The following RBFOX1 variants were observed in gnomAD, a reference collection of about 807,000 sequenced individuals.
RBFOX1 encodes the protein RNA binding protein fox-1 homolog 1.
A neutral mutation model predicts 57.7 loss-of-function variants in RBFOX1; 8 were observed. The observed-to-expected ratio is 0.14, with a 90% CI of 0.08 to 0.25. RBFOX1 has a LOEUF of 0.25. Ranked by LOEUF, RBFOX1 falls within the 10% of genes least tolerant of loss-of-function variation. The pLI, the probability that RBFOX1 is intolerant of heterozygous loss-of-function variation, is 1.00. For missense variants in RBFOX1, 611 were observed against 548.5 expected, an observed-to-expected ratio of 1.11 and a Z score of -1.14; for synonymous variants, 326 against 222.4, an observed-to-expected ratio of 1.47 and a Z score of -4.15.
In RBFOX1 at chr16:5,906,727, C is replaced by CTTTTTTTT. The variant is rs57589514; in HGVS notation, c.351+39410_351+39417dup. On this transcript the variant is annotated intron_variant, in intron 4 of 19. Coordinates refer to the RBFOX1 transcript ENST00000641259. ...CCGCTGAAGCCATGAATCCTAGATT[C>CTTTTTTTT]TTTTTTTTTTTTTTTTTTTTTTTTT... Among the ~76,000 whole-genome samples the CTTTTTTTT allele has an allele frequency of 6.0e-4, 43 of 71,478 alleles. 1 individual carries two copies. Among genetic ancestry groups the CTTTTTTTT allele is most frequent in the South Asian group, 2.1e-3 (3 of 1,402 alleles). The allele number at this position is 71,478 out of a possible 152,430, so 46.9% of individuals were successfully genotyped here. A position where few individuals can be genotyped will look rare whatever the true frequency, so the allele number is the denominator to read the frequency against.
chr16:7,543,975 T>G lies in RBFOX1; in HGVS notation c.270+25586T>G, dbSNP rs1285799236. Among the ~76,000 whole-genome samples, 3 of 152,342 alleles carry G rather than the reference T, an allele frequency of 2.0e-5. No individual in the cohort carries two copies. In the East Asian group the frequency reaches 5.8e-4, roughly 29 times the overall value. On this transcript the variant is annotated intron_variant, in intron 5 of 15. Coordinates refer to ENST00000550418, the MANE Select transcript of RBFOX1 (RefSeq NM_018723.4). The stretch of plus-strand genomic sequence containing the variant: ...ACTTCATGACCCACCTGCCTTGGTT[T>G]CCCAAAGTGCTGGGATTATAGGCGT...
At chr16:6,824,829 C>A (rs7189578) in intron 3 of RBFOX1, among the ~76,000 whole-genome samples, 4,112 of 151,706 alleles carry the variant, frequency 0.027, 194 homozygotes, top group African/African-American at 0.095. Context: ...AAAGATAATA[C>A]ATGTGGATTG....
At chr16:7,608,549 T>C (rs2056805659) in intron 10 of RBFOX1, among the ~76,000 whole-genome samples, 1 of 152,148 alleles carries the variant, frequency 6.6e-6, no homozygotes, top group Non-Finnish European at 1.5e-5. Flanking sequence ...CTTTCCATGA[T>C]CATATTGCAA....
chr16:7,387,446 C>A (rs954695083), intron 4 of RBFOX1, among the ~76,000 whole-genome samples: 1 of 152,168 alleles, frequency 6.6e-6, no homozygotes, highest in Non-Finnish European at 1.5e-5. Flanking sequence ...TCATATACCC[C>A]TGTCTTCCAA....
At chr16:7,461,238 G>T (rs1302570968) in intron 4 of RBFOX1, among the ~76,000 whole-genome samples, 1 of 151,860 alleles carries the variant, frequency 6.6e-6, no homozygotes, top group African/African-American at 2.4e-5. Context: ...CACTATCTCG[G>T]CTCACTGCAA....
At chr16:5,911,968 C>T (rs8063432) in intron 4 of RBFOX1, among the ~76,000 whole-genome samples, 64,312 of 151,944 alleles carry the variant, frequency 0.42, 14,396 homozygotes, top group African/African-American at 0.56. Context: ...TTAGTAGGCA[C>T]CTTCACGGGG....
At chr16:6,853,860 G>A (rs182427105) in intron 3 of RBFOX1, among the ~76,000 whole-genome samples, 6 of 152,244 alleles carry the variant, frequency 3.9e-5, no homozygotes, top group Non-Finnish European at 7.4e-5. Flanking sequence ...TGATGAGTAT[G>A]GTAAATGGTT....
chr16:5,868,662 C>T (rs144011602), intron 4 of RBFOX1, among the ~76,000 whole-genome samples: 150 of 152,256 alleles, frequency 9.9e-4, no homozygotes, highest in African/African-American at 3.6e-3. Context: ...ATTTCAGATG[C>T]CTAGTGAGGC....
chr16:6,419,017 C>T (rs1470488359), intron 2 of RBFOX1, among the ~76,000 whole-genome samples: 1 of 152,202 alleles, frequency 6.6e-6, no homozygotes, highest in Non-Finnish European at 1.5e-5. Context: ...CATTTGCAGA[C>T]TTTTCACTGT....
intron 1 of RBFOX1, among the ~76,000 whole-genome samples, chr16:5,449,613 C>T (rs914012656): frequency 6.6e-6 from 1 of 152,110 alleles, no homozygotes; most frequent in Non-Finnish European, 1.5e-5. Flanking sequence ...TGTTTCACCT[C>T]TAGCTTTGTT....
At chr16:5,603,790 G>C (rs970189104), downstream of RBFOX1, among the ~76,000 whole-genome samples, 2 of 152,224 alleles carry the variant, frequency 1.3e-5, no homozygotes, top group Non-Finnish European at 2.9e-5. Flanking sequence ...ACTTGGGAAT[G>C]AGACTGAGAA....
At position 7,511,761 on chromosome 16, in the gene RBFOX1, G is replaced by A. The variant is rs530850610; in HGVS notation, c.28-6386G>A. Among the ~76,000 whole-genome samples, 137 of 152,192 alleles carry A rather than the reference G, an allele frequency of 9.0e-4. 1 individual carries two copies. Among genetic ancestry groups the A allele is most frequent in the African/African-American group, 3.2e-3 (132 of 41,524 alleles). ...ATCCTGCTGTCGTTGAGTTGCTCTC[G>A]TTGACTGAGAGGTTTGGTGACTGAG... On this transcript the variant is annotated intron_variant, in intron 4 of 15. Coordinates refer to ENST00000550418, the MANE Select transcript of RBFOX1 (RefSeq NM_018723.4).
chr16:5,647,590 C>A (rs2049095188), intron 3 of RBFOX1, among the ~76,000 whole-genome samples: 3 of 152,136 alleles, frequency 2.0e-5, no homozygotes, highest in Non-Finnish European at 1.5e-5. Flanking sequence ...TTCCCTTTCC[C>A]CATTTCTCCA....
intron 4 of RBFOX1, among the ~76,000 whole-genome samples, chr16:7,506,489 C>T (rs144353974): frequency 2.4e-4 from 36 of 152,190 alleles, no homozygotes; most frequent in African/African-American, 7.0e-4. Context: ...GTGCTTAGAA[C>T]AATAATCAGT....
chr16:7,063,574 A>G (rs1234907894), intron 4 of RBFOX1, among the ~76,000 whole-genome samples: 2 of 152,230 alleles, frequency 1.3e-5, no homozygotes, highest in Non-Finnish European at 2.9e-5. Context: ...AGTTGAGAAT[A>G]GTACTTTTCA....
chr16:6,014,276 A>T (rs2094980212), upstream of RBFOX1, among the ~76,000 whole-genome samples: 1 of 152,140 alleles, frequency 6.6e-6, no homozygotes, highest in Non-Finnish European at 1.5e-5. Context: ...TGTCTTTGCT[A>T]CCATTAGTAT....
At chr16:6,393,414 G>C (rs2092691866) in intron 2 of RBFOX1, among the ~76,000 whole-genome samples, 1 of 152,146 alleles carries the variant, frequency 6.6e-6, no homozygotes, top group African/African-American at 2.4e-5. Flanking sequence ...GTGGGCATTT[G>C]GGTGTTAGGA....
chr16:7,663,504 CGTGTGTGTGTGT>C (rs57358282), intron 12 of RBFOX1, among the ~76,000 whole-genome samples: 8 of 148,956 alleles, frequency 5.4e-5, no homozygotes, highest in East Asian at 2.0e-4. Context: ...GTCAGTACAG[CGTGTGTGTGTGT>C]GTGTGTGTGT....
intron 2 of RBFOX1, among the ~76,000 whole-genome samples, chr16:6,575,634 G>C (rs2097422363): frequency 6.6e-6 from 1 of 152,124 alleles, no homozygotes; most frequent in African/African-American, 2.4e-5. Context: ...ACGGTGGGCA[G>C]ATCACCTGAG....
Sources: gnomAD v4.1 joint callset for allele counts (sites outside exome capture counted in the v4.1 genomes callset) on GRCh38, gnomAD v4.1.1 for gene constraint, MANE v1.5 for transcripts, NCBI Gene and HGNC (gene_info 2026-07-23, HGNC 2026-07-21) for gene names.